Variants in ACER3 observed in about 807,000 individuals in gnomAD.
ACER3 encodes the protein alkCDase 3.
A neutral mutation model predicts 48.9 loss-of-function variants in ACER3; 16 were observed. The ratio of observed to expected loss-of-function variants is 0.33; its 90% confidence interval spans 0.22 to 0.50. The LOEUF is 0.50. ACER3 is among the 20% of genes least tolerant of loss of function. The pLI, the probability that ACER3 is intolerant of heterozygous loss-of-function variation, is 0.98. For synonymous variants in ACER3, 109 were observed against 107.8 expected, an observed-to-expected ratio of 1.01 and a Z score of -0.07; for missense variants, 227 against 326.0, an observed-to-expected ratio of 0.70 and a Z score of 2.34.
chr11:76,920,634 CT>C (rs11320505), intron 1 of ACER3, among the ~76,000 whole-genome samples: 63,741 of 132,722 alleles, frequency 0.48, 15,309 homozygotes, highest in Non-Finnish European at 0.55. Flanking sequence ...GAACTCTTGA[CT>C]TTTTTTTTTT....
At chr11:76,871,996 G>A (rs184453926) in intron 1 of ACER3, among the ~76,000 whole-genome samples, 8 of 152,124 alleles carry the variant, frequency 5.3e-5, no homozygotes, top group Non-Finnish European at 1.0e-4. Context: ...ACTCCAAAGA[G>A]TGTAATGAAG....
In ACER3 at chr11:76,904,198, G is replaced by A. The variant is rs1379940429; in HGVS notation, c.104-22359G>A. On this transcript the variant is annotated intron_variant, in intron 1 of 10. Transcript: ENST00000532485. ...GACGAGGTTTCACCATGTTGGCCAG[G>A]CTAGTCTCGAACTCCTGACCTTAAG... 3.9e-5 allele frequency among the ~76,000 whole-genome samples: 6 copies of A among 151,960 alleles called. No homozygotes were observed. In the South Asian group the frequency reaches 8.3e-4, roughly 21 times the overall value.
chr11:76,866,324 G>A (rs957289650), intron 1 of ACER3, among the ~76,000 whole-genome samples: 3 of 152,180 alleles, frequency 2.0e-5, no homozygotes, highest in African/African-American at 7.2e-5. Flanking sequence ...TGGCACATAA[G>A]TTTATCACCA....
In ACER3 at chr11:76,990,634, T is replaced by C. The variant is rs1948781938; in HGVS notation, c.438+60T>C. On this transcript the variant is annotated intron_variant, in intron 6 of 10. Transcript: ENST00000532485. Reference sequence around the variant, plus strand: ...TTACGATACATGGCTGCTTTGTGATTTCCTTGTCTAAGAAATGATATGCAG... The same window carrying C: ...TTACGATACATGGCTGCTTTGTGATCTCCTTGTCTAAGAAATGATATGCAG... The C allele has an allele frequency of 3.6e-6, 4 of 1,120,802 alleles. No homozygotes were observed. The East Asian group carries it at 9.6e-5, about 27-fold the overall frequency. 69.4% of individuals were successfully genotyped at this position (1,120,802 alleles called of 1,614,324 possible).
chr11:76,954,737 A>G (rs1359523363), intron 2 of ACER3, among the ~76,000 whole-genome samples: 1 of 152,026 alleles, frequency 6.6e-6, no homozygotes, highest in Non-Finnish European at 1.5e-5. Context: ...AGTAGCTGTG[A>G]CTACAGGACT....
intron 3 of ACER3, among the ~76,000 whole-genome samples, chr11:76,968,180 C>T (rs1351948522): frequency 6.6e-6 from 1 of 151,366 alleles, no homozygotes; most frequent in African/African-American, 2.4e-5. Context: ...CATGAGTGAA[C>T]TCCCATTCAC....
chr11:77,021,564 T>A lies in ACER3; in HGVS notation c.*1237T>A, dbSNP rs548849483. On this transcript the variant is annotated 3_prime_UTR_variant, in exon 11 of 11. Coordinates refer to ENST00000532485, the MANE Select transcript of ACER3 (RefSeq NM_018367.7). Reference sequence around the variant, plus strand: ...CCCTCTGCTCATGTTTCATCATATTTGTAGCTCTGCATCATTTAGCATTTT... The same window carrying A: ...CCCTCTGCTCATGTTTCATCATATTAGTAGCTCTGCATCATTTAGCATTTT... 1.1e-4 allele frequency: 17 copies of A among 152,346 alleles called. No homozygotes were observed. In the South Asian group the frequency reaches 3.5e-3, roughly 32 times the overall value. The allele number at this position is 152,346 out of a possible 1,614,324, so 9.4% of individuals were successfully genotyped here.
chr11:77,021,313 A>G lies in ACER3; in HGVS notation c.*986A>G, dbSNP rs929563523. 2 of 152,286 alleles carry G rather than the reference A, an allele frequency of 1.3e-5. No individual in the cohort carries two copies. Among genetic ancestry groups the G allele is most frequent in the East Asian group, 3.9e-4 (2 of 5,182 alleles). The allele number at this position is 152,286 out of a possible 1,614,324, so 9.4% of individuals were successfully genotyped here. A position where few individuals can be genotyped will look rare whatever the true frequency, so the allele number is the denominator to read the frequency against. ...CTAAAGCTAAAATTATCAGAATCCT[A>G]TTTACATAAAGCATATTAAAATATC... is the stretch of plus-strand genomic sequence containing the variant. On this transcript the variant is annotated 3_prime_UTR_variant, in exon 11 of 11. Coordinates refer to ENST00000532485, the MANE Select transcript of ACER3 (RefSeq NM_018367.7).
chr11:76,989,282 A>G (rs1948749688), intron 5 of ACER3, among the ~76,000 whole-genome samples: 1 of 151,224 alleles, frequency 6.6e-6, no homozygotes, highest in African/African-American at 2.4e-5. Context: ...TACTGAGGGT[A>G]GAAACTTCTT....
At chr11:76,887,036 T>C (rs1051876258) in intron 1 of ACER3, among the ~76,000 whole-genome samples, 4 of 151,878 alleles carry the variant, frequency 2.6e-5, no homozygotes, top group Middle Eastern at 3.4e-3. Context: ...AAATAAATGA[T>C]GAGAAAAAAT....
At chr11:76,982,884 C>A (rs1948614886) in intron 4 of ACER3, among the ~76,000 whole-genome samples, 1 of 152,120 alleles carries the variant, frequency 6.6e-6, no homozygotes, top group Non-Finnish European at 1.5e-5. Context: ...CCAGAACCAT[C>A]TTTTGAGATT....
intron 3 of ACER3, among the ~76,000 whole-genome samples, chr11:76,962,679 C>T (rs547252343): frequency 2.0e-5 from 3 of 151,366 alleles, no homozygotes; most frequent in African/African-American, 4.9e-5. Context: ...AAGGACAAGT[C>T]GAAAAATAAT....
At chr11:76,946,378 C>T (rs1476488480) in intron 2 of ACER3, among the ~76,000 whole-genome samples, 1 of 152,192 alleles carries the variant, frequency 6.6e-6, no homozygotes, top group African/African-American at 2.4e-5. Flanking sequence ...GTCTCAGTTT[C>T]ACAGCAGTCT....
intron 2 of ACER3, among the ~76,000 whole-genome samples, chr11:76,928,207 G>A (rs1243617614): frequency 6.6e-6 from 1 of 152,160 alleles, no homozygotes; most frequent in African/African-American, 2.4e-5. Context: ...TTCTCTGATG[G>A]CCAGTGATGG....
At chr11:76,917,542 C>T (rs750088778) in intron 1 of ACER3, among the ~76,000 whole-genome samples, 10 of 151,012 alleles carry the variant, frequency 6.6e-5, no homozygotes, top group African/African-American at 1.9e-4. Flanking sequence ...AAGAAGACCT[C>T]GTCAGTACAA....
At position 76,860,920 on chromosome 11, in the gene ACER3, C is replaced by A. The variant is rs913879742; in HGVS notation, c.-57C>A. ...CGGGCTGGGCCGGAGCCGGCCTGGT[C>A]GCCAGCCTAACCCGGCACAGTGAGC... On this transcript the variant is annotated 5_prime_UTR_variant, in exon 1 of 11. Transcript: ENST00000532485. 1.3e-5 allele frequency: 16 copies of A among 1,279,972 alleles called. No homozygotes were observed. The highest frequency in any genetic ancestry group is 6.2e-5 in the South Asian group (4 of 64,144). The allele number at this position is 1,279,972 out of a possible 1,614,324, so 79.3% of individuals were successfully genotyped here.
chr11:76,891,755 T>C (rs1022402252), intron 1 of ACER3, among the ~76,000 whole-genome samples: 4 of 152,198 alleles, frequency 2.6e-5, no homozygotes, highest in Non-Finnish European at 5.9e-5. Flanking sequence ...TGCTGTAGAA[T>C]TGATTGCTTG....
At chr11:76,918,947 G>C (rs10899311) in intron 1 of ACER3, among the ~76,000 whole-genome samples, 89,933 of 151,960 alleles carry the variant, frequency 0.59, 28,897 homozygotes, top group Non-Finnish European at 0.73. Flanking sequence ...ATTATTTGAA[G>C]ATCTGCATAA....
At chr11:76,977,246 A>G (rs556124145) in intron 4 of ACER3, among the ~76,000 whole-genome samples, 2 of 152,344 alleles carry the variant, frequency 1.3e-5, no homozygotes, top group South Asian at 2.1e-4. Context: ...CCCTGGAAAT[A>G]TATCATGATG....
Sources: allele counts gnomAD v4.1 joint callset (sites outside exome capture counted in the v4.1 genomes callset), GRCh38; gene constraint gnomAD v4.1.1; transcripts MANE v1.5; gene names NCBI Gene and HGNC (gene_info 2026-07-23, HGNC 2026-07-21).